LTBP1: variants seen among roughly 807,000 people sequenced by gnomAD.
LTBP1 encodes latent transforming growth factor beta binding protein 1.
A neutral mutation model predicts 207.6 loss-of-function variants in LTBP1; 129 were observed. The observed-to-expected ratio is 0.62, with a 90% CI of 0.54 to 0.72. LTBP1 has a LOEUF of 0.72. Ranked by LOEUF, LTBP1 falls within the 30% of genes least tolerant of loss-of-function variation. The pLI, the probability that LTBP1 is intolerant of heterozygous loss-of-function variation, is 0.00. For synonymous variants in LTBP1, 963 were observed against 833.7 expected (o/e 1.16, Z -2.67); for missense variants, 2,281 against 2,217.2 (o/e 1.03, Z -0.58).
intron 20 of LTBP1, among the ~76,000 whole-genome samples, chr2:33,297,671 A>C (rs1354769694): frequency 6.6e-6 from 1 of 151,970 alleles, no homozygotes; most frequent in African/African-American, 2.4e-5. Context: ...TGATCCGCCC[A>C]CCTCGGCCTC....
At chr2:33,158,164 A>AAG (rs760849981) in intron 5 of LTBP1, among the ~76,000 whole-genome samples, 7 of 102,882 alleles carry the variant, frequency 6.8e-5, no homozygotes, top group East Asian at 2.3e-4. Context: ...AAAAAAAAAA[A>AAG]AGAGAGAGAG....
chr2:33,077,062 G>C (rs991206162), intron 3 of LTBP1, among the ~76,000 whole-genome samples: 2 of 152,302 alleles, frequency 1.3e-5, no homozygotes, highest in East Asian at 3.9e-4. Flanking sequence ...CTGTTTTATA[G>C]GGAAGACAAG....
At chr2:33,241,102 G>T (rs2092307379) in intron 9 of LTBP1, among the ~76,000 whole-genome samples, 2 of 152,074 alleles carry the variant, frequency 1.3e-5, no homozygotes, top group African/African-American at 4.8e-5. Context: ...AGTAGCTCAG[G>T]AAATATAAAA....
At chr2:33,366,202 T>G (rs529107944) in intron 31 of LTBP1, among the ~76,000 whole-genome samples, 1 of 152,334 alleles carries the variant, frequency 6.6e-6, no homozygotes, top group East Asian at 1.9e-4. Flanking sequence ...TTCCCTTTTT[T>G]ACCATCATAG....
intron 2 of LTBP1, among the ~76,000 whole-genome samples, chr2:32,983,530 G>A (rs1163707196): frequency 6.6e-6 from 1 of 152,144 alleles, no homozygotes; most frequent in African/African-American, 2.4e-5. Flanking sequence ...GAATGATATG[G>A]TTTGTCTGTG....
At chr2:33,327,523 A>G (rs1006594613) in intron 24 of LTBP1, among the ~76,000 whole-genome samples, 1 of 152,240 alleles carries the variant, frequency 6.6e-6, no homozygotes, top group African/African-American at 2.4e-5. Context: ...TTAAGGAAAG[A>G]TATAGTAAAT....
chr2:33,237,467 G>C (rs1392470138), intron 9 of LTBP1, among the ~76,000 whole-genome samples: 1 of 152,108 alleles, frequency 6.6e-6, no homozygotes, highest in African/African-American at 2.4e-5. Context: ...AAAGTTATGT[G>C]TTCACATATC....
chr2:32,962,540 G>A (rs1004763135), intron 2 of LTBP1, among the ~76,000 whole-genome samples: 11 of 152,188 alleles, frequency 7.2e-5, no homozygotes, highest in Non-Finnish European at 1.3e-4. Flanking sequence ...TGCAAGTTAC[G>A]TTTGTTTCGA....
intron 2 of LTBP1, among the ~76,000 whole-genome samples, chr2:32,975,916 A>G (rs1445612286): frequency 6.6e-6 from 1 of 151,996 alleles, no homozygotes; most frequent in Non-Finnish European, 1.5e-5. Flanking sequence ...CAGCCATTTC[A>G]TCCTAGTTAA....
intron 7 of LTBP1, among the ~76,000 whole-genome samples, chr2:33,201,809 TA>T (rs1376755588): frequency 1.3e-5 from 2 of 152,170 alleles, no homozygotes; most frequent in African/African-American, 4.8e-5. Flanking sequence ...ATTGGTCATA[TA>T]AATAATAAGC....
intron 25 of LTBP1, 139 bp downstream of exon 25, chr2:33,343,102 T>A: frequency 9.4e-7 from 1 of 1,065,800 alleles, no homozygotes. Flanking sequence ...TTTGAGGATG[T>A]GCAAAAATAT....
chr2:33,379,196 C>CTTT (rs550839552), intron 31 of LTBP1, among the ~76,000 whole-genome samples: 18 of 108,528 alleles, frequency 1.7e-4, no homozygotes, highest in Non-Finnish European at 2.5e-4. Context: ...TTTGCCATTG[C>CTTT]TTTTTTTTTT....
At chr2:33,013,241 A>G (rs574132452) in intron 2 of LTBP1, among the ~76,000 whole-genome samples, 1 of 152,246 alleles carries the variant, frequency 6.6e-6, no homozygotes, top group East Asian at 1.9e-4. Context: ...ACTTAGTACT[A>G]ATATTTATAT....
Position 33,118,295 on chromosome 2 carries a change from A to AATG in LTBP1, c.1033+7546_1033+7548dup, listed in dbSNP as rs544873654. 7.6e-4 allele frequency among the ~76,000 whole-genome samples: 116 copies of AATG among 152,314 alleles called. No homozygotes were observed. The East Asian group carries it at 0.018, about 23-fold the overall frequency. ...GGCAGTGGAAGTTGGACCAGCCATG[A>AATG]ATGACCTTACAAGAGCTGATGAAAA... is the stretch of plus-strand genomic sequence containing the variant. On this transcript the variant is annotated intron_variant, in intron 4 of 33. Coordinates refer to ENST00000404816, the MANE Select transcript of LTBP1 (RefSeq NM_206943.4).
At chr2:33,189,855 G>A (rs998134493) in intron 7 of LTBP1, among the ~76,000 whole-genome samples, 13 of 118,722 alleles carry the variant, frequency 1.1e-4, no homozygotes, top group Admixed American at 5.7e-4. Context: ...ATGAAACCCC[G>A]TCTCTACTAA....
At chr2:33,378,014 A>T (rs2095163797) in intron 31 of LTBP1, among the ~76,000 whole-genome samples, 5 of 152,154 alleles carry the variant, frequency 3.3e-5, no homozygotes, top group Non-Finnish European at 7.4e-5. Flanking sequence ...ACAAAGTCAA[A>T]CCATATCAAC....
intron 3 of LTBP1, among the ~76,000 whole-genome samples, chr2:33,051,855 C>T (rs1047204879): frequency 2.6e-5 from 4 of 152,206 alleles, no homozygotes; most frequent in African/African-American, 9.6e-5. Context: ...TATCAACTCT[C>T]CCCAGGAAAT....
intron 10 of LTBP1, among the ~76,000 whole-genome samples, chr2:33,248,628 C>G (rs1359688986): frequency 6.6e-6 from 1 of 150,880 alleles, no homozygotes; most frequent in Non-Finnish European, 1.5e-5. Flanking sequence ...GATCTGCTGC[C>G]CAGGCTGGAG....
chr2:33,304,288 C>T (rs556413335), intron 22 of LTBP1, among the ~76,000 whole-genome samples: 9 of 152,322 alleles, frequency 5.9e-5, no homozygotes, highest in African/African-American at 2.2e-4. Flanking sequence ...AGCACCTCAG[C>T]CTGCTAATTC....
Sources: gnomAD v4.1 joint callset for allele counts (sites outside exome capture counted in the v4.1 genomes callset) on GRCh38, gnomAD v4.1.1 for gene constraint, MANE v1.5 for transcripts, NCBI Gene and HGNC (gene_info 2026-07-23, HGNC 2026-07-21) for gene names.